EPHB1: variants seen among roughly 807,000 people sequenced by gnomAD.
EPHB1 encodes ephrin type-B receptor 1.
Under a neutral mutation model 94.4 loss-of-function variants are expected in EPHB1, and 30 were observed. The ratio of observed to expected loss-of-function variants is 0.32; its 90% CI spans 0.24 to 0.43. The LOEUF (loss-of-function observed/expected upper bound fraction) is 0.43. EPHB1 is among the 20% of genes least tolerant of loss of function. The pLI is 1.00. For missense variants in EPHB1, 1,055 were observed against 1,308.3 expected (o/e 0.81, Z 2.99); for synonymous variants, 522 against 489.1 (o/e 1.07, Z -0.89).
In EPHB1 at chr3:134,950,818, A is replaced by C. The variant is rs182951206; in HGVS notation, c.124-553A>C. 2.0e-3 allele frequency among the ~76,000 whole-genome samples: 308 copies of C among 152,322 alleles called. 2 individuals are homozygous for C. Among genetic ancestry groups the C allele is most frequent in the African/African-American group, 7.1e-3 (296 of 41,582 alleles). On this transcript the variant is annotated intron_variant, in intron 2 of 15. Transcript: ENST00000398015. ...TCCAAACCATATCAGTCTTTCAAAGAGATTGATGTTATTGAAAAAAAGTTT... is the reference window on the plus strand; with the variant it reads ...TCCAAACCATATCAGTCTTTCAAAGCGATTGATGTTATTGAAAAAAAGTTT...
chr3:135,103,630 G>A (rs945218349), intron 3 of EPHB1, among the ~76,000 whole-genome samples: 1 of 152,174 alleles, frequency 6.6e-6, no homozygotes, highest in African/African-American at 2.4e-5. Context: ...GCAAATTGAG[G>A]CTCTGAGGGA....
rs116190161 is a variant in EPHB1 at position 134,857,541 on chromosome 3, T to G, written c.58+61852T>G. The stretch of plus-strand genomic sequence containing the variant: ...CTCCTGTGCAGATTTCAGTTTGGCA[T>G]GTGCCTCTGAGCAGGGTAAAGGAAG... On this transcript the variant is annotated intron_variant, in intron 1 of 15. Transcript: ENST00000398015. Among the ~76,000 whole-genome samples the G allele has an allele frequency of 2.2e-3, 330 of 152,264 alleles. 2 individuals are homozygous for G. The highest frequency in any genetic ancestry group is 7.4e-3 in the African/African-American group (307 of 41,570).
At chr3:134,975,385 G>T (rs573570323) in intron 3 of EPHB1, among the ~76,000 whole-genome samples, 2 of 152,274 alleles carry the variant, frequency 1.3e-5, no homozygotes, top group East Asian at 3.9e-4. Context: ...CAGAGAGTGA[G>T]CAAAGTCAAA....
intron 1 of EPHB1, among the ~76,000 whole-genome samples, chr3:134,891,545 G>A (rs1054151600): frequency 1.3e-5 from 2 of 152,204 alleles, no homozygotes; most frequent in African/African-American, 4.8e-5. Flanking sequence ...TCAAGAATGG[G>A]TGTTAAATAC....
chr3:135,259,795 G>C lies in EPHB1; in HGVS notation c.*675G>C, dbSNP rs892566266. 1 of 214,644 alleles carries C rather than the reference G, an allele frequency of 4.7e-6. No individual in the cohort carries two copies. The highest frequency in any genetic ancestry group is 9.3e-6 in the Non-Finnish European group (1 of 107,148). The allele number at this position is 214,644 out of a possible 1,614,324, so 13.3% of individuals were successfully genotyped here. A position where few individuals can be genotyped will look rare whatever the true frequency, so the allele number is the denominator to read the frequency against. ...TTGCATTTTCTGCAAAAAGGAAAAA[G>C]AAACCACAAATTGGGGAAAAAAAAA... On this transcript the variant is annotated 3_prime_UTR_variant, in exon 16 of 16. Coordinates refer to ENST00000398015, the MANE Select transcript of EPHB1 (RefSeq NM_004441.5).
At chr3:134,838,455 G>C (rs1272007178) in intron 1 of EPHB1, among the ~76,000 whole-genome samples, 1 of 152,028 alleles carries the variant, frequency 6.6e-6, no homozygotes, top group Non-Finnish European at 1.5e-5. Context: ...TTGCCTCTTA[G>C]GACATCTCCC....
At chr3:135,037,726 C>T (rs1479399694) in intron 3 of EPHB1, among the ~76,000 whole-genome samples, 3 of 152,198 alleles carry the variant, frequency 2.0e-5, no homozygotes, top group Non-Finnish European at 4.4e-5. Flanking sequence ...TATTACTGAA[C>T]AAGCCAAGAG....
intron 1 of EPHB1, among the ~76,000 whole-genome samples, chr3:134,888,706 CAAAAA>C (rs55786916): frequency 1.8e-5 from 2 of 109,704 alleles, no homozygotes; most frequent in Non-Finnish European, 1.8e-5. Context: ...GACTCCATCT[CAAAAA>C]AAAAAAAAAA....
intron 1 of EPHB1, among the ~76,000 whole-genome samples, chr3:134,818,574 C>T (rs528164171): frequency 6.6e-6 from 1 of 152,166 alleles, no homozygotes; most frequent in Non-Finnish European, 1.5e-5. Context: ...TCCATTGTAT[C>T]CTTGTTATGC....
At chr3:135,228,748 G>T (rs1943462235) in intron 12 of EPHB1, among the ~76,000 whole-genome samples, 1 of 122,626 alleles carries the variant, frequency 8.2e-6, no homozygotes, top group South Asian at 3.0e-4. Context: ...GACAGCGTGG[G>T]TGGGGTGGGA....
chr3:135,022,161 G>C (rs1007283731), intron 3 of EPHB1, among the ~76,000 whole-genome samples: 1 of 152,034 alleles, frequency 6.6e-6, no homozygotes, highest in Non-Finnish European at 1.5e-5. Flanking sequence ...TTGTATTGAC[G>C]AGGTTTCACC....
At chr3:135,073,141 A>G (rs1358912791) in intron 3 of EPHB1, among the ~76,000 whole-genome samples, 1 of 151,534 alleles carries the variant, frequency 6.6e-6, no homozygotes, top group African/African-American at 2.4e-5. Flanking sequence ...ATTTTTTTCT[A>G]GGGTTAATTC....
At chr3:135,151,907 T>C (rs536100573) in intron 5 of EPHB1, among the ~76,000 whole-genome samples, 1 of 152,322 alleles carries the variant, frequency 6.6e-6, no homozygotes, top group South Asian at 2.1e-4. Context: ...AGGTTATATA[T>C]AACTGCCATT....
intron 4 of EPHB1, among the ~76,000 whole-genome samples, chr3:135,129,553 G>T (rs919194837): frequency 6.6e-6 from 1 of 152,234 alleles, no homozygotes; most frequent in African/African-American, 2.4e-5. Flanking sequence ...AGAAAACCAG[G>T]TGGGAGGGCA....
intron 3 of EPHB1, among the ~76,000 whole-genome samples, chr3:135,079,831 C>G (rs77030174): frequency 3.9e-5 from 6 of 152,096 alleles, no homozygotes; most frequent in East Asian, 1.9e-4. Context: ...GCTGTTCTCC[C>G]CTTCCCTGCC....
At chr3:134,854,512 G>A (rs146286977) in intron 1 of EPHB1, among the ~76,000 whole-genome samples, 8 of 152,166 alleles carry the variant, frequency 5.3e-5, no homozygotes, top group East Asian at 1.9e-4. Context: ...TGTGAAACTC[G>A]GTGGTGTTTA....
intron 1 of EPHB1, among the ~76,000 whole-genome samples, chr3:134,817,881 AG>A (rs1156392318): frequency 6.6e-6 from 1 of 152,230 alleles, no homozygotes; most frequent in Non-Finnish European, 1.5e-5. Context: ...CCCTGCCCAG[AG>A]GGGGAAAGCG....
At chr3:134,994,457 C>T (rs1367803594) in intron 3 of EPHB1, among the ~76,000 whole-genome samples, 1 of 152,202 alleles carries the variant, frequency 6.6e-6, no homozygotes, top group Non-Finnish European at 1.5e-5. Context: ...TGTTCTTCTT[C>T]CTCACAGTAC....
At chr3:135,098,341 A>AGT (rs34315780) in intron 3 of EPHB1, among the ~76,000 whole-genome samples, 1,911 of 151,030 alleles carry the variant, frequency 0.013, 21 homozygotes, top group African/African-American at 0.021. Context: ...GATATGTTTG[A>AGT]GTGTGTGTGT....
Sources: gnomAD v4.1 joint callset for allele counts (sites outside exome capture counted in the v4.1 genomes callset) on GRCh38, gnomAD v4.1.1 for gene constraint, MANE v1.5 for transcripts, NCBI Gene and HGNC (gene_info 2026-07-23, HGNC 2026-07-21) for gene names.